Variants in ANKRD30BL observed in about 807,000 individuals in gnomAD.
ANKRD30BL encodes the protein putative ankyrin repeat domain-containing protein 30B-like.
Under a neutral mutation model 18.4 loss-of-function variants are expected in ANKRD30BL, and 20 were observed. The observed-to-expected ratio is 1.09, with a 90% confidence interval of 0.77 to 1.58. ANKRD30BL has a LOEUF of 1.58. Ranked by LOEUF, ANKRD30BL falls within the 40% of genes most tolerant of loss-of-function variation. The pLI is 0.00. For missense variants in ANKRD30BL, 224 were observed against 268.6 expected (o/e 0.83, Z 1.16); for synonymous variants, 72 against 100.9 (o/e 0.71, Z 1.72).
chr2:132,153,789 C>T (rs924298711), intron 4 of ANKRD30BL: 69 of 517,206 alleles, frequency 1.3e-4, no homozygotes, highest in African/African-American at 8.2e-4. Flanking sequence ...TATTAACAAA[C>T]GTTAAGTATC....
intron 1 of ANKRD30BL, among the ~76,000 whole-genome samples, chr2:132,198,659 C>T (rs751500461): frequency 1.7e-4 from 25 of 150,174 alleles, no homozygotes; most frequent in Non-Finnish European, 2.8e-4. Context: ...GCTCTGTTGC[C>T]CCAGGCTGCA....
In ANKRD30BL at chr2:132,161,541, C is replaced by T; in HGVS notation, c.165G>A (p.Glu55=). The T allele has an allele frequency of 1.4e-6, 2 of 1,456,892 alleles. No homozygotes were observed. The highest frequency in any genetic ancestry group is 1.9e-6 in the Non-Finnish European group (2 of 1,063,458). 90.2% of individuals were successfully genotyped at this position (1,456,892 alleles called of 1,614,324 possible). ...AASRGQAWKL[E]RMMKKTTMDL... ...CCATTGTCGTCTTCTTCATCATCCT[C>T]TCCAGCTTCCAGGCTTGGCCCCGGG... Residue 55 remains glutamate, a synonymous_variant, in exon 1 of 6, where the codon GAG becomes GAA. Transcript: ENST00000409867.
chr2:132,154,194 G>A (rs1450191646), intron 4 of ANKRD30BL, among the ~76,000 whole-genome samples: 1 of 145,292 alleles, frequency 6.9e-6, no homozygotes, highest in Non-Finnish European at 1.6e-5. Context: ...TCAAACTCCT[G>A]GCCTCAGGTG....
At chr2:132,230,383 T>C (rs1257780336) in intron 1 of ANKRD30BL, among the ~76,000 whole-genome samples, 5 of 152,002 alleles carry the variant, frequency 3.3e-5, no homozygotes, top group Admixed American at 2.6e-4. Context: ...TGAACTTTCC[T>C]TTGATAGAGC....
chr2:132,193,821 C>T (rs1678907294), intron 1 of ANKRD30BL, among the ~76,000 whole-genome samples: 1 of 151,264 alleles, frequency 6.6e-6, no homozygotes, highest in African/African-American at 2.4e-5. Flanking sequence ...ATAATCTTCT[C>T]AGGTTTTCCT....
At chr2:132,202,437 T>A (rs192597089) in intron 1 of ANKRD30BL, among the ~76,000 whole-genome samples, 4,577 of 151,712 alleles carry the variant, frequency 0.03, 103 homozygotes, top group Non-Finnish European at 0.049. Flanking sequence ...TTTATCCTCT[T>A]TTTTTTTACA....
chr2:132,180,232 T>C (rs1014192458), intron 1 of ANKRD30BL, among the ~76,000 whole-genome samples: 2 of 151,822 alleles, frequency 1.3e-5, no homozygotes, highest in East Asian at 1.9e-4. Context: ...TTTTTTTTTT[T>C]TTTTTACTGC....
intron 1 of ANKRD30BL, among the ~76,000 whole-genome samples, chr2:132,237,468 G>A (rs529569314): frequency 0.044 from 6,682 of 152,050 alleles, 507 homozygotes; most frequent in African/African-American, 0.15. Context: ...CTAGACAGAA[G>A]CATTCTCAGA....
chr2:132,150,798 T>C (rs913722176), intron 5 of ANKRD30BL, 114 bp downstream of exon 5: 2 of 409,490 alleles, frequency 4.9e-6, no homozygotes, highest in Non-Finnish European at 8.7e-6. Flanking sequence ...CATATAGGTC[T>C]ATATGTAAAC....
At chr2:132,172,194 T>C (rs1258304027) in intron 1 of ANKRD30BL, among the ~76,000 whole-genome samples, 2 of 152,216 alleles carry the variant, frequency 1.3e-5, no homozygotes, top group Non-Finnish European at 2.9e-5. Context: ...TGGTGGTCAA[T>C]ATCTGTTGGA....
At chr2:132,215,140 C>T (rs111749091) in intron 1 of ANKRD30BL, among the ~76,000 whole-genome samples, 1 of 151,802 alleles carries the variant, frequency 6.6e-6, no homozygotes, top group African/African-American at 2.4e-5. Flanking sequence ...TGCAAGTGGA[C>T]ATTTGGAGCG....
intron 1 of ANKRD30BL, among the ~76,000 whole-genome samples, chr2:132,217,835 C>T (rs536830818): frequency 4.4e-3 from 658 of 150,154 alleles, no homozygotes; most frequent in African/African-American, 0.016. Flanking sequence ...GTGCATTCAA[C>T]TCACAGAGTT....
At chr2:132,192,431 C>A (rs1431928435) in intron 1 of ANKRD30BL, among the ~76,000 whole-genome samples, 3 of 152,146 alleles carry the variant, frequency 2.0e-5, no homozygotes, top group African/African-American at 7.2e-5. Flanking sequence ...AAGCCATGCC[C>A]TCCATAGCAG....
intron 5 of ANKRD30BL, among the ~76,000 whole-genome samples, chr2:132,148,904 G>C (rs1687685976): frequency 6.6e-6 from 1 of 152,146 alleles, no homozygotes; most frequent in African/African-American, 2.4e-5. Context: ...TAGCAAGAAA[G>C]ATGCTTAGTA....
chr2:132,213,950 G>A (rs942730705), intron 1 of ANKRD30BL, among the ~76,000 whole-genome samples: 2 of 151,026 alleles, frequency 1.3e-5, no homozygotes, highest in African/African-American at 4.9e-5. Flanking sequence ...ATGGACATTT[G>A]GAGTACTTTG....
At chr2:132,231,830 G>A (rs575409133) in intron 1 of ANKRD30BL, among the ~76,000 whole-genome samples, 1,644 of 152,342 alleles carry the variant, frequency 0.011, 29 homozygotes, top group African/African-American at 0.037. Context: ...ACTGGGTGGA[G>A]CCCACCACAG....
chr2:132,208,788 C>A (rs1482486698), intron 1 of ANKRD30BL, among the ~76,000 whole-genome samples: 1 of 151,470 alleles, frequency 6.6e-6, no homozygotes, highest in Non-Finnish European at 1.5e-5. Context: ...GTCCCTCACA[C>A]AGGATTACAG....
At chr2:132,239,534 G>T (rs560793525) in intron 1 of ANKRD30BL, among the ~76,000 whole-genome samples, 1 of 151,908 alleles carries the variant, frequency 6.6e-6, no homozygotes, top group African/African-American at 2.4e-5. Flanking sequence ...AACTCACAGA[G>T]TTGAGCTATT....
At chr2:132,248,382 T>G (rs1680557836) in intron 1 of ANKRD30BL, among the ~76,000 whole-genome samples, 1 of 152,194 alleles carries the variant, frequency 6.6e-6, no homozygotes, top group Admixed American at 6.6e-5. Flanking sequence ...CTCTGTGAGA[T>G]GAATGCAAAC....
Sources: allele counts gnomAD v4.1 joint callset (sites outside exome capture counted in the v4.1 genomes callset), GRCh38; gene constraint gnomAD v4.1.1; transcripts MANE v1.5; gene names NCBI Gene and HGNC (gene_info 2026-07-23, HGNC 2026-07-21).